Variants in OTUD7B observed in about 807,000 individuals in gnomAD.
OTUD7B encodes the protein OTU deubiquitinase 7B.
In OTUD7B, 34 loss-of-function variants were observed where a neutral mutation model predicts 82.2. The ratio of observed to expected loss-of-function variants is 0.41; its 90% CI spans 0.31 to 0.55. OTUD7B has a LOEUF of 0.55. Among genes scored for constraint, OTUD7B ranks in the 20% least tolerant of loss-of-function variants. The pLI is 0.20. For synonymous variants in OTUD7B, 398 were observed against 402.7 expected (o/e 0.99, Z 0.14); for missense variants, 944 against 1,062.1 (o/e 0.89, Z 1.55).
chr1:149,949,553 C>A (rs1648025355), intron 9 of OTUD7B, 76 bp downstream of exon 9: 1 of 1,469,500 alleles, frequency 6.8e-7, no homozygotes, highest in African/African-American at 1.4e-5. Context: ...TCACTTAATT[C>A]TTTCCTCCTA....
At chr1:149,970,374 A>T (rs1484810277) in intron 3 of OTUD7B, among the ~76,000 whole-genome samples, 1 of 149,334 alleles carries the variant, frequency 6.7e-6, no homozygotes, top group Non-Finnish European at 1.5e-5. Context: ...GCTGGAGTGC[A>T]GTGGTGTAAT....
chr1:149,996,720 G>C (rs1651948759), intron 1 of OTUD7B, among the ~76,000 whole-genome samples: 1 of 152,208 alleles, frequency 6.6e-6, no homozygotes, highest in African/African-American at 2.4e-5. Context: ...GAGTATAAAT[G>C]AGGTGTTATA....
the OTUD7B span, among the ~76,000 whole-genome samples, chr1:150,062,429 G>A: frequency 2.0e-5 from 3 of 152,106 alleles, no homozygotes; most frequent in African/African-American, 7.2e-5. Flanking sequence ...CTCTTCGAAT[G>A]TTTACTAGTC....
chr1:150,065,216 C>T, the OTUD7B span, among the ~76,000 whole-genome samples: 4 of 152,040 alleles, frequency 2.6e-5, no homozygotes, highest in African/African-American at 7.2e-5. Context: ...GGACTGGAGG[C>T]GCTGGCCACC....
intron 11 of OTUD7B, among the ~76,000 whole-genome samples, chr1:149,945,412 A>T (rs1647642392): frequency 6.6e-6 from 1 of 152,226 alleles, no homozygotes; most frequent in African/African-American, 2.4e-5. Flanking sequence ...ATTTAGAACA[A>T]TGAGCAACCA....
chr1:149,948,168 G>A (rs1447060638), intron 10 of OTUD7B, among the ~76,000 whole-genome samples: 16 of 150,446 alleles, frequency 1.1e-4, no homozygotes, highest in African/African-American at 3.2e-4. Context: ...TAGTAGAGAT[G>A]TGGTTTCTCC....
chr1:150,036,163 A>G, the OTUD7B span, among the ~76,000 whole-genome samples: 1 of 151,884 alleles, frequency 6.6e-6, no homozygotes, highest in Non-Finnish European at 1.5e-5. Context: ...CATGTTGCCC[A>G]GGCTGGTCTT....
At chr1:150,050,750 G>A in the OTUD7B span, among the ~76,000 whole-genome samples, 1 of 152,056 alleles carries the variant, frequency 6.6e-6, no homozygotes, top group South Asian at 2.1e-4. Context: ...CCAGCTCCCA[G>A]TGTTACAGAG....
the OTUD7B span, among the ~76,000 whole-genome samples, chr1:150,042,253 A>G: frequency 6.6e-6 from 1 of 150,550 alleles, no homozygotes; most frequent in Non-Finnish European, 1.5e-5. Flanking sequence ...ACTCACTGCA[A>G]CCTCCATCTC....
At chr1:150,055,747 G>A in the OTUD7B span, among the ~76,000 whole-genome samples, 1 of 152,222 alleles carries the variant, frequency 6.6e-6, no homozygotes, top group Non-Finnish European at 1.5e-5. Flanking sequence ...CATGGATGGA[G>A]CTGGAGGCTA....
At chr1:149,965,277 G>T (rs1396004501) in intron 5 of OTUD7B, among the ~76,000 whole-genome samples, 1 of 152,046 alleles carries the variant, frequency 6.6e-6, no homozygotes. Flanking sequence ...TGAGGCAGGA[G>T]AATCGCTTGA....
At chr1:150,058,777 G>C in the OTUD7B span, among the ~76,000 whole-genome samples, 1 of 151,968 alleles carries the variant, frequency 6.6e-6, no homozygotes, top group Non-Finnish European at 1.5e-5. Flanking sequence ...TAAGTAGCTT[G>C]GTATTTCATT....
the OTUD7B span, among the ~76,000 whole-genome samples, chr1:150,030,374 G>A: frequency 7.2e-5 from 11 of 151,884 alleles, no homozygotes; most frequent in African/African-American, 1.4e-4. Flanking sequence ...TCCCTCTAGC[G>A]TAGAGGAAAT....
the OTUD7B span, among the ~76,000 whole-genome samples, chr1:150,026,420 G>A: frequency 6.6e-6 from 1 of 152,186 alleles, no homozygotes; most frequent in African/African-American, 2.4e-5. Context: ...TCTTTGGAGA[G>A]AATGGTTCTC....
the OTUD7B span, among the ~76,000 whole-genome samples, chr1:150,023,753 T>C: frequency 6.6e-6 from 1 of 152,206 alleles, no homozygotes; most frequent in Non-Finnish European, 1.5e-5. Context: ...AGGTTTTATA[T>C]ATTTCAAAAT....
At chr1:150,029,935 A>G in the OTUD7B span, among the ~76,000 whole-genome samples, 1 of 152,140 alleles carries the variant, frequency 6.6e-6, no homozygotes. Flanking sequence ...CTCTGAGTCT[A>G]TCTAGAAGAG....
the OTUD7B span, among the ~76,000 whole-genome samples, chr1:150,047,348 C>G: frequency 6.6e-6 from 1 of 152,122 alleles, no homozygotes; most frequent in East Asian, 1.9e-4. Context: ...AACTGCAAAC[C>G]TTATGCATCT....
the OTUD7B span, among the ~76,000 whole-genome samples, chr1:150,039,617 C>T: frequency 4.6e-5 from 7 of 152,272 alleles, no homozygotes; most frequent in Non-Finnish European, 4.4e-5. Flanking sequence ...ACCTCGTGAT[C>T]GCCTGCCTCG....
chr1:150,047,185 C>G, the OTUD7B span, among the ~76,000 whole-genome samples: 2 of 152,222 alleles, frequency 1.3e-5, no homozygotes, highest in South Asian at 4.1e-4. Context: ...GTCTTATGAA[C>G]AGCCCACTCC....
Sources: allele counts gnomAD v4.1 joint callset (sites outside exome capture counted in the v4.1 genomes callset), GRCh38; gene constraint gnomAD v4.1.1; transcripts MANE v1.5; gene names NCBI Gene and HGNC (gene_info 2026-07-23, HGNC 2026-07-21).